Variants in XXYLT1 observed in about 807,000 individuals in gnomAD.
XXYLT1 encodes the protein UDP-xylose:alpha-xyloside alpha-1,3-xylosyltransferase.
In XXYLT1, 20 loss-of-function variants were observed where a neutral mutation model predicts 28.9. That is an observed-to-expected ratio of 0.69 (90% confidence interval 0.49 to 1.00). XXYLT1 has a LOEUF of 1.00. XXYLT1 is among the 50% of genes least tolerant of loss of function. The probability of loss-of-function intolerance (pLI) is 0.00; values close to 1 mark genes in which losing one functional copy is unlikely to be tolerated. For synonymous variants in XXYLT1, 257 were observed against 253.8 expected (o/e 1.01, Z -0.12); for missense variants, 542 against 560.1 (o/e 0.97, Z 0.33).
chr3:195,093,779 C>A (rs1438657754), intron 3 of XXYLT1: 1 of 152,206 alleles, frequency 6.6e-6, no homozygotes, highest in African/African-American at 2.4e-5. Flanking sequence ...AAAATAACAG[C>A]AGTTCTGCTG....
Position 195,180,349 on chromosome 3 carries a change from G to T in XXYLT1, c.653-23768C>A. 2 of 985,514 alleles carry T rather than the reference G, an allele frequency of 2.0e-6. No homozygotes were observed. The highest frequency in any genetic ancestry group is 2.4e-6 in the Non-Finnish European group (2 of 830,018). The allele number at this position is 985,514 out of a possible 1,614,324, so 61.0% of individuals were successfully genotyped here. A position where few individuals can be genotyped will look rare whatever the true frequency, so the allele number is the denominator to read the frequency against. On this transcript the variant is annotated intron_variant, in intron 2 of 3. Coordinates refer to ENST00000310380, the MANE Select transcript of XXYLT1 (RefSeq NM_152531.5). The surrounding 1 kb of genome is among the most constrained non-coding windows in gnomAD (Gnocchi z 5.8). ...CAGAAGGAAGGAGCCACAAAGGTCT[G>T]GATGGTTTATCCCCCTGGCCCGCCT... is the stretch of plus-strand genomic sequence containing the variant.
chr3:195,171,822 A>T (rs1721419519), intron 2 of XXYLT1, among the ~76,000 whole-genome samples: 1 of 152,272 alleles, frequency 6.6e-6, no homozygotes, highest in Non-Finnish European at 1.5e-5. Context: ...GCCTCTGTGC[A>T]ATTCATACAA....
At chr3:195,117,854 T>C (rs1173882486) in intron 3 of XXYLT1, among the ~76,000 whole-genome samples, 2 of 152,210 alleles carry the variant, frequency 1.3e-5, no homozygotes, top group African/African-American at 4.8e-5. Context: ...GGAGTTCCCA[T>C]TCCTGGGCCC....
intron 1 of XXYLT1, among the ~76,000 whole-genome samples, chr3:195,250,074 C>T (rs1725191155): frequency 6.6e-6 from 1 of 152,208 alleles, no homozygotes; most frequent in Admixed American, 6.5e-5. Context: ...CTGGGAGCTG[C>T]CCTCCTCCTG....
In XXYLT1 at chr3:195,270,817, G is replaced by A. The variant is rs943908165; in HGVS notation, c.242C>T (p.Ala81Val). The change falls in exon 1 of 4, where the codon GCC (alanine) becomes GTC (valine). Residue 81 changes from alanine (A) to valine (V), a missense_variant. By Grantham distance (64) the Ala-to-Val change is moderately conservative (BLOSUM62 0). Transcript: ENST00000310380. Reference protein sequence around the residue: ...LELARGSVAPAPGAKAKSLEG... With the variant: ...LELARGSVAPVPGAKAKSLEG... ...CAAGCTCTTGGCCTTCGCGCCGGGG[G>A]CTGGCGCCACGGAGCCCCGCGCTAG... 4.0e-6 allele frequency: 6 copies of A among 1,493,138 alleles called. No homozygotes were observed. The highest frequency in any genetic ancestry group is 2.8e-5 in the East Asian group (1 of 35,394). 92.5% of individuals were successfully genotyped at this position (1,493,138 alleles called of 1,614,324 possible). A position where few individuals can be genotyped will look rare whatever the true frequency, so the allele number is the denominator to read the frequency against.
chr3:195,143,839 T>TAGATAGATAGATAG, intron 3 of XXYLT1, among the ~76,000 whole-genome samples: 1 of 88,670 alleles, frequency 1.1e-5, no homozygotes, highest in South Asian at 4.3e-4. Flanking sequence ...TAGATATAGA[T>TAGATAGATAGATAG]ATAGATATAT....
chr3:195,105,123 G>A (rs1717014630), intron 3 of XXYLT1, among the ~76,000 whole-genome samples: 1 of 152,192 alleles, frequency 6.6e-6, no homozygotes, highest in South Asian at 2.1e-4. Flanking sequence ...CACACCTCCA[G>A]TTCATAATGG....
intron 3 of XXYLT1, among the ~76,000 whole-genome samples, chr3:195,117,010 C>T (rs1199980526): frequency 1.3e-5 from 2 of 152,018 alleles, no homozygotes; most frequent in African/African-American, 2.4e-5. Flanking sequence ...ACTGATGCTA[C>T]GGGGATGTGG....
In XXYLT1 at chr3:195,244,860, A is replaced by C. The variant is rs551272981; in HGVS notation, c.505-18004T>G. Reference sequence around the variant, plus strand: ...CATGAGACTCTGTCTCAAAAAAAAAAAAAACAAAAAAAAACCCACTCCCGG... The same window carrying C: ...CATGAGACTCTGTCTCAAAAAAAAACAAAACAAAAAAAAACCCACTCCCGG... On this transcript the variant is annotated intron_variant, in intron 1 of 3. Coordinates refer to ENST00000310380, the MANE Select transcript of XXYLT1 (RefSeq NM_152531.5). Among the ~76,000 whole-genome samples, 23 of 148,404 alleles carry C rather than the reference A, an allele frequency of 1.5e-4. No individual in the cohort carries two copies. In the South Asian group the frequency reaches 2.4e-3, roughly 15 times the overall value.
intron 3 of XXYLT1, among the ~76,000 whole-genome samples, chr3:195,079,845 G>C (rs903359605): frequency 1.3e-5 from 2 of 152,126 alleles, no homozygotes; most frequent in African/African-American, 2.4e-5. Flanking sequence ...TAATACAATC[G>C]GGAATGAATA....
At chr3:195,234,470 C>T (rs1577179298) in intron 1 of XXYLT1, among the ~76,000 whole-genome samples, 2 of 151,950 alleles carry the variant, frequency 1.3e-5, no homozygotes, top group East Asian at 1.9e-4. Context: ...AGGCGTCTGC[C>T]ACCATGCCTG....
chr3:195,241,259 C>T (rs771678323), intron 1 of XXYLT1, among the ~76,000 whole-genome samples: 5 of 152,200 alleles, frequency 3.3e-5, no homozygotes, highest in Non-Finnish European at 4.4e-5. Context: ...AAATGACAGG[C>T]TCTGAGGCTG....
intron 2 of XXYLT1, among the ~76,000 whole-genome samples, chr3:195,187,237 CAAA>C (rs749480905): frequency 2.8e-5 from 3 of 108,342 alleles, no homozygotes; most frequent in Non-Finnish European, 3.8e-5. Context: ...GACTCCATCT[CAAA>C]AAAAAAAAAA....
chr3:195,088,365 G>A (rs1280331672), intron 3 of XXYLT1, among the ~76,000 whole-genome samples: 2 of 147,808 alleles, frequency 1.4e-5, no homozygotes, highest in Non-Finnish European at 3.0e-5. Context: ...CTCCTCAAGT[G>A]GGTCCCTGAC....
chr3:195,084,596 G>A (rs1215909050), intron 3 of XXYLT1, among the ~76,000 whole-genome samples: 1 of 152,146 alleles, frequency 6.6e-6, no homozygotes, highest in African/African-American at 2.4e-5. Context: ...TCTTTTCAGA[G>A]GTCCAATTCT....
At chr3:195,144,989 C>T (rs1332717089) in intron 3 of XXYLT1, among the ~76,000 whole-genome samples, 3 of 152,092 alleles carry the variant, frequency 2.0e-5, no homozygotes, top group Admixed American at 6.5e-5. Context: ...CTTGCTTAGA[C>T]GCAATCTTCC....
chr3:195,105,468 C>T (rs552203967), intron 3 of XXYLT1, among the ~76,000 whole-genome samples: 4 of 152,340 alleles, frequency 2.6e-5, no homozygotes, highest in South Asian at 2.1e-4. Flanking sequence ...GTCTGACTTA[C>T]GCCCAAAGGC....
chr3:195,124,051 A>G lies in XXYLT1; in HGVS notation c.785+32398T>C, dbSNP rs1324701568. 6.6e-6 allele frequency among the ~76,000 whole-genome samples: 1 copy of G among 152,276 alleles called. No individual in the cohort carries two copies. Among genetic ancestry groups the G allele is most frequent in the Non-Finnish European group, 1.5e-5 (1 of 68,040 alleles). On this transcript the variant is annotated intron_variant, in intron 3 of 3. Coordinates refer to ENST00000310380, the MANE Select transcript of XXYLT1 (RefSeq NM_152531.5). This position sits in a 1 kb window ranked among gnomAD's most constrained non-coding sequence, Gnocchi z 4.1. ...TAGGAGCCTTTAGTGTGCTCCGTGA[A>G]TCTAGAAGAGGGGGAATAAAATGTA...
At chr3:195,191,034 CCCAG>C (rs1722398126) in intron 2 of XXYLT1, among the ~76,000 whole-genome samples, 1 of 152,020 alleles carries the variant, frequency 6.6e-6, no homozygotes, top group African/African-American at 2.4e-5. Context: ...CAAATGTAAA[CCCAG>C]CCAAATCAAT....
Sources: gnomAD v4.1 joint callset for allele counts (sites outside exome capture counted in the v4.1 genomes callset) on GRCh38, gnomAD v4.1.1 for gene constraint, Gnocchi (gnomAD v3.1) non-coding constraint, MANE v1.5 for transcripts, NCBI Gene and HGNC (gene_info 2026-07-23, HGNC 2026-07-21) for gene names.